Variants in RBMS3 observed in about 807,000 individuals in gnomAD.
RBMS3 encodes the protein RNA binding motif single stranded interacting protein 3, also known as RNA-binding motif, single-stranded-interacting protein 3.
In RBMS3, 27 loss-of-function variants were observed where a neutral mutation model predicts 66.8. The observed-to-expected ratio is 0.40, with a 90% CI of 0.30 to 0.56. The LOEUF (loss-of-function observed/expected upper bound fraction) is 0.56. Among genes scored for constraint, RBMS3 ranks in the 20% least tolerant of loss-of-function variants. RBMS3 has a pLI of 0.40. For synonymous variants in RBMS3, 188 were observed against 183.0 expected, an observed-to-expected ratio of 1.03 and a Z score of -0.22; for missense variants, 513 against 549.5, an observed-to-expected ratio of 0.93 and a Z score of 0.66.
chr3:29,789,753 GC>G (rs148880475), intron 6 of RBMS3, among the ~76,000 whole-genome samples: 2,225 of 151,864 alleles, frequency 0.015, 42 homozygotes, highest in African/African-American at 0.042. Flanking sequence ...TATTTTACCT[GC>G]CCCCTGCATA....
At chr3:29,716,423 A>G (rs1296582103) in intron 4 of RBMS3, among the ~76,000 whole-genome samples, 1 of 152,176 alleles carries the variant, frequency 6.6e-6, no homozygotes, top group Non-Finnish European at 1.5e-5. Flanking sequence ...CATCGTTTCT[A>G]TGTTAAAAAA....
chr3:29,467,468 T>G (rs9874394), intron 2 of RBMS3, among the ~76,000 whole-genome samples: 51,920 of 151,994 alleles, frequency 0.34, 9,073 homozygotes, highest in East Asian at 0.46. Flanking sequence ...ACAGTGATAA[T>G]AAAATATCCT....
At chr3:29,754,726 C>A (rs2055330606) in intron 5 of RBMS3, among the ~76,000 whole-genome samples, 1 of 152,118 alleles carries the variant, frequency 6.6e-6, no homozygotes, top group Non-Finnish European at 1.5e-5. Context: ...GTCCAATTAG[C>A]AATAGTTACA....
Position 30,009,020 on chromosome 3 carries a change from TTC to T in RBMS3, c.*5160_*5161del, listed in dbSNP as rs1398332789. The T allele has an allele frequency of 2.0e-5, 3 of 152,126 alleles. No homozygotes were observed. Among genetic ancestry groups the T allele is most frequent in the African/African-American group, 4.8e-5 (2 of 41,446 alleles). 9.4% of individuals were successfully genotyped at this position (152,126 alleles called of 1,614,324 possible). A position where few individuals can be genotyped will look rare whatever the true frequency, so the allele number is the denominator to read the frequency against. On this transcript the variant is annotated 3_prime_UTR_variant, in exon 15 of 15. Transcript: ENST00000383767. ...GGGATGAATGGCTTTCAATATTCAT[TTC>T]TGTTTATTTTTGTGAGGGAAAATAA...
At chr3:29,901,948 T>C (rs2060264523) in intron 10 of RBMS3, among the ~76,000 whole-genome samples, 1 of 151,834 alleles carries the variant, frequency 6.6e-6, no homozygotes, top group African/African-American at 2.4e-5. Context: ...TAAGTAACTT[T>C]ACCCAACTGG....
At chr3:29,454,211 T>A (rs1028791151) in intron 2 of RBMS3, among the ~76,000 whole-genome samples, 1 of 152,176 alleles carries the variant, frequency 6.6e-6, no homozygotes, top group Non-Finnish European at 1.5e-5. Context: ...TGGCACCATC[T>A]GTAAGTTTGC....
intron 4 of RBMS3, among the ~76,000 whole-genome samples, chr3:29,703,315 A>G (rs2052718202): frequency 1.3e-5 from 2 of 152,214 alleles, no homozygotes; most frequent in South Asian, 4.1e-4. Context: ...AAGTTGATTG[A>G]CATATGTACA....
chr3:29,733,085 G>C (rs77979150), intron 4 of RBMS3, among the ~76,000 whole-genome samples: 4,235 of 152,056 alleles, frequency 0.028, 82 homozygotes, highest in Admixed American at 0.062. Context: ...TAAAAACTCT[G>C]CTCCATGTAA....
intron 7 of RBMS3, among the ~76,000 whole-genome samples, chr3:29,883,256 A>G (rs2059779721): frequency 6.6e-6 from 1 of 152,062 alleles, no homozygotes; most frequent in Non-Finnish European, 1.5e-5. Context: ...CCAATGTCAT[A>G]GCTGAGGAAT....
intron 4 of RBMS3, among the ~76,000 whole-genome samples, chr3:29,651,783 G>T (rs537814831): frequency 6.4e-4 from 98 of 152,130 alleles, no homozygotes; most frequent in African/African-American, 2.0e-3. Flanking sequence ...TACAACAATG[G>T]CAGTTTGGAT....
At chr3:29,535,480 C>A (rs2045517871) in intron 3 of RBMS3, among the ~76,000 whole-genome samples, 2 of 151,988 alleles carry the variant, frequency 1.3e-5, no homozygotes, top group South Asian at 4.1e-4. Context: ...ATTCATTCTG[C>A]CTTTTGGGTA....
intron 4 of RBMS3, among the ~76,000 whole-genome samples, chr3:29,596,797 A>G (rs2047960498): frequency 6.6e-6 from 1 of 152,228 alleles, no homozygotes; most frequent in South Asian, 2.1e-4. Flanking sequence ...CCTGATATAC[A>G]TAGTGGGGCT....
chr3:29,313,733 G>A, intron 1 of RBMS3, among the ~76,000 whole-genome samples: 1 of 151,722 alleles, frequency 6.6e-6, no homozygotes, highest in East Asian at 1.9e-4. Flanking sequence ...CTAGAGGACA[G>A]CATTGGTCTC....
intron 3 of RBMS3, among the ~76,000 whole-genome samples, chr3:29,538,132 A>C (rs190828629): frequency 2.1e-4 from 32 of 152,282 alleles, no homozygotes; most frequent in Admixed American, 1.9e-3. Flanking sequence ...CACAGAAAGC[A>C]CTATAGACTT....
chr3:29,818,973 T>C (rs1261897960), intron 6 of RBMS3, among the ~76,000 whole-genome samples: 1 of 152,180 alleles, frequency 6.6e-6, no homozygotes, highest in Non-Finnish European at 1.5e-5. Flanking sequence ...TTGCATGAAA[T>C]AGTTCTTAAA....
At chr3:29,864,916 G>GAGGA (rs775325339) in intron 6 of RBMS3, among the ~76,000 whole-genome samples, 2 of 115,444 alleles carry the variant, frequency 1.7e-5, no homozygotes, top group Non-Finnish European at 3.5e-5. Context: ...AAGAGAGAGA[G>GAGGA]AGGAAGGAAG....
At chr3:29,318,765 A>T (rs2034837534) in intron 1 of RBMS3, among the ~76,000 whole-genome samples, 1 of 151,910 alleles carries the variant, frequency 6.6e-6, no homozygotes, top group Non-Finnish European at 1.5e-5. Context: ...GCCAACTTGA[A>T]TGAGACAAGA....
At chr3:29,980,020 C>T (rs547120243) in intron 12 of RBMS3, among the ~76,000 whole-genome samples, 7 of 152,246 alleles carry the variant, frequency 4.6e-5, no homozygotes, top group South Asian at 4.1e-4. Flanking sequence ...CACTGTCTTC[C>T]GCAATGGTAG....
At chr3:29,852,124 G>C (rs114197061) in intron 6 of RBMS3, among the ~76,000 whole-genome samples, 1 of 152,002 alleles carries the variant, frequency 6.6e-6, no homozygotes, top group Non-Finnish European at 1.5e-5. Flanking sequence ...TAGCTTAGCC[G>C]TATGCAGAAA....
Sources: gnomAD v4.1 joint callset for allele counts (sites outside exome capture counted in the v4.1 genomes callset) on GRCh38, gnomAD v4.1.1 for gene constraint, MANE v1.5 for transcripts, NCBI Gene and HGNC (gene_info 2026-07-23, HGNC 2026-07-21) for gene names.